Variants in CFAP68 observed in about 807,000 individuals in gnomAD.
CFAP68 encodes the protein cilia and flagella associated protein 68.
chr11:111,879,923 A>G, the CFAP68 span, among the ~76,000 whole-genome samples: 1 of 152,230 alleles, frequency 6.6e-6, no homozygotes, highest in Admixed American at 6.5e-5. Context: ...AGGCGTGAAG[A>G]GGCAGAAGGA....
the CFAP68 span, chr11:111,881,463 G>T: frequency 4.6e-6 from 7 of 1,535,956 alleles, no homozygotes; most frequent in Non-Finnish European, 6.1e-6. Context: ...GGTAATCTGG[G>T]TGATTCTTTC....
At chr11:111,880,728 T>TA in the CFAP68 span, 1 of 455,612 alleles carries the variant, frequency 2.2e-6, no homozygotes, top group East Asian at 6.9e-5. Context: ...TTTACTTTCT[T>TA]AATAAACTTC....
the CFAP68 span, chr11:111,882,986 A>T: frequency 7.1e-6 from 5 of 700,102 alleles, no homozygotes; most frequent in South Asian, 3.4e-5. Flanking sequence ...CGTACAAAAC[A>T]TGTGAAAGTT....
At chr11:111,882,744 C>A in the CFAP68 span, 1 of 726,202 alleles carries the variant, frequency 1.4e-6, no homozygotes, top group Non-Finnish European at 2.2e-6. Context: ...AGGAACAGTC[C>A]GCAGCTGAAC....
the CFAP68 span, chr11:111,882,700 G>T: frequency 9.1e-7 from 1 of 1,102,988 alleles, no homozygotes; most frequent in South Asian, 1.7e-5. Context: ...CTGGTGCAGT[G>T]ATCTCTCAGT....
At chr11:111,882,611 TG>T in the CFAP68 span, 2 of 1,540,324 alleles carry the variant, frequency 1.3e-6, no homozygotes, top group Non-Finnish European at 1.7e-6. Flanking sequence ...AATCTAACTT[TG>T]TCTTTTTTGT....
At chr11:111,882,094 G>A in the CFAP68 span, among the ~76,000 whole-genome samples, 2 of 152,216 alleles carry the variant, frequency 1.3e-5, no homozygotes, top group African/African-American at 4.8e-5. Flanking sequence ...TCTCCATATT[G>A]TATTGGGAAT....
At chr11:111,885,284 C>G in the CFAP68 span, 1 of 152,214 alleles carries the variant, frequency 6.6e-6, no homozygotes, top group Non-Finnish European at 1.5e-5. Flanking sequence ...TCAAAACCAG[C>G]CTGGGCAACA....
the CFAP68 span, chr11:111,881,680 A>G: frequency 1.0e-5 from 15 of 1,454,082 alleles, no homozygotes; most frequent in Middle Eastern, 3.5e-4. Context: ...TTGAGCTTTT[A>G]TCTTACCAAA....
the CFAP68 span, chr11:111,879,541 CTT>C: frequency 1.3e-3 from 2,062 of 1,613,974 alleles, 20 homozygotes; most frequent in African/African-American, 0.023. Flanking sequence ...GGTTTTGAAC[CTT>C]TTTTCACCTC....
the CFAP68 span, chr11:111,883,262 A>G: frequency 1.4e-6 from 2 of 1,405,098 alleles, no homozygotes; most frequent in Non-Finnish European, 9.8e-7. Context: ...TGACCGGCAC[A>G]TAGAAGGAAC....
chr11:111,883,867 A>C, the CFAP68 span: 6 of 1,600,146 alleles, frequency 3.7e-6, no homozygotes, highest in Non-Finnish European at 5.1e-6. Flanking sequence ...ATGAATAGCT[A>C]TTCAAAGCCT....
chr11:111,879,557 T>A, the CFAP68 span: 1 of 1,614,178 alleles, frequency 6.2e-7, no homozygotes, highest in Non-Finnish European at 8.5e-7. Flanking sequence ...TCACCTCGTC[T>A]GAAATGGCTG....
the CFAP68 span, among the ~76,000 whole-genome samples, chr11:111,880,096 G>A: frequency 7.9e-5 from 12 of 152,234 alleles, no homozygotes; most frequent in African/African-American, 2.9e-4. Context: ...ACAAATGGGG[G>A]TACAGGTACA....
chr11:111,881,836 TAAAG>T, the CFAP68 span, among the ~76,000 whole-genome samples: 1 of 152,186 alleles, frequency 6.6e-6, no homozygotes, highest in African/African-American at 2.4e-5. Flanking sequence ...AATGCAGACT[TAAAG>T]AACTCTAATG....
At chr11:111,880,214 T>G in the CFAP68 span, among the ~76,000 whole-genome samples, 1 of 152,034 alleles carries the variant, frequency 6.6e-6, no homozygotes, top group African/African-American at 2.4e-5. Context: ...CCCACTCTAG[T>G]TAGTAGCCTG....
the CFAP68 span, chr11:111,881,254 C>A: frequency 7.1e-7 from 1 of 1,402,656 alleles, no homozygotes; most frequent in Admixed American, 3.1e-5. Context: ...GAGTACCAGG[C>A]CCATTGGACT....
chr11:111,884,139 A>T, the CFAP68 span: 3 of 315,250 alleles, frequency 9.5e-6, no homozygotes, highest in African/African-American at 6.6e-5. Context: ...TAATACAGCA[A>T]CTCAGTTCTA....
At chr11:111,881,538 A>G in the CFAP68 span, 1 of 1,536,114 alleles carries the variant, frequency 6.5e-7, no homozygotes, top group Non-Finnish European at 8.7e-7. Context: ...ACAGCCAAGT[A>G]AGGATTTCTG....
Sources: allele counts gnomAD v4.1 joint callset (sites outside exome capture counted in the v4.1 genomes callset), GRCh38; gene constraint gnomAD v4.1.1; transcripts MANE v1.5; gene names NCBI Gene and HGNC (gene_info 2026-07-23, HGNC 2026-07-21).